Variants in MAP3K15 observed in about 807,000 individuals in gnomAD.
The protein encoded by MAP3K15 is mitogen-activated protein kinase kinase kinase 15.
MAP3K15 carries 124 observed loss-of-function variants against 99.5 expected under a neutral mutation model. The ratio of observed to expected loss-of-function variants is 1.25; its 90% confidence interval spans 1.08 to 1.45. MAP3K15 has a LOEUF of 1.45. Ranked by LOEUF, MAP3K15 falls within the 40% of genes most tolerant of loss-of-function variation. The pLI is 0.00. For missense variants in MAP3K15, 1,242 were observed against 1,079.7 expected (o/e 1.15, Z -2.11); for synonymous variants, 494 against 439.6 (o/e 1.12, Z -1.55).
At chrX:19,439,985 G>A (rs182780323) in intron 6 of MAP3K15, among the ~76,000 whole-genome samples, 13 of 111,503 alleles carry the variant, frequency 1.2e-4, no homozygotes, top group East Asian at 8.5e-4. Context: ...GGGGGCAGAG[G>A]GTGAGGCCCT....
intron 16 of MAP3K15, among the ~76,000 whole-genome samples, chrX:19,394,527 A>G (rs1004110897): frequency 9.0e-6 from 1 of 111,674 alleles, no homozygotes; most frequent in Non-Finnish European, 1.9e-5. Context: ...TTTTGTGGAT[A>G]AAACACTGAT....
chrX:19,395,155 C>T lies in MAP3K15; in HGVS notation c.2120G>A (p.Arg707His), dbSNP rs781456790. Residue 707 changes from arginine to histidine, a missense_variant, in exon 16 of 29, where the codon CGC becomes CAC. Coordinates refer to ENST00000338883, the MANE Select transcript of MAP3K15 (RefSeq NM_001001671.4). The part of the protein sequence containing the change: ...EIALHKYLKH[R>H]NIVQYLGSVS... ...AGAGCCCAGGTACTGAACGATATTG[C>T]GGTGCTTAAGGTACTTGTGCAGGGC... The T allele has an allele frequency of 3.9e-5, 47 of 1,205,396 alleles. No individual in the cohort carries two copies. Among genetic ancestry groups the T allele is most frequent in the South Asian group, 1.1e-4 (6 of 56,627 alleles).
chrX:19,417,477 C>A (rs748292081), intron 9 of MAP3K15, among the ~76,000 whole-genome samples: 1 of 111,910 alleles, frequency 8.9e-6, no homozygotes, highest in African/African-American at 3.2e-5. Flanking sequence ...AACTGCAAGG[C>A]GGCAGTGAGG....
At chrX:19,387,848 G>A (rs766821114) in intron 18 of MAP3K15, among the ~76,000 whole-genome samples, 3 of 112,682 alleles carry the variant, frequency 2.7e-5, no homozygotes, top group Non-Finnish European at 5.6e-5. Context: ...GATGTAAGGG[G>A]TAAATAACTG....
chrX:19,367,845 T>C (rs2147208033), intron 25 of MAP3K15, among the ~76,000 whole-genome samples: 1 of 95,593 alleles, frequency 1.0e-5, no homozygotes, highest in East Asian at 3.7e-4. Context: ...GCCTCCCGGG[T>C]TCAAGCAATT....
intron 9 of MAP3K15, among the ~76,000 whole-genome samples, chrX:19,416,473 G>T (rs766401428): frequency 8.9e-6 from 1 of 112,056 alleles, no homozygotes; most frequent in East Asian, 2.8e-4. Flanking sequence ...TGTATTTAGT[G>T]TGACACCATA....
In MAP3K15 at chrX:19,360,613, C is replaced by CT. The variant is rs775731731; in HGVS notation, c.*135_*136insA. ...AAGAAACTCAGGACAGTATTTAAAA[C>CT]AAGTTCTTAAACTATTAATTGAACA... is the stretch of plus-strand genomic sequence containing the variant. On this transcript the variant is annotated 3_prime_UTR_variant, in exon 29 of 29. Transcript: ENST00000338883. 4.5e-4 allele frequency: 219 copies of CT among 481,415 alleles called. 3 individuals are homozygous for CT. The South Asian group carries it at 6.7e-3, about 15-fold the overall frequency. 39.7% of individuals were successfully genotyped at this position (481,415 alleles called of 1,213,427 possible). A position where few individuals can be genotyped will look rare whatever the true frequency, so the allele number is the denominator to read the frequency against.
intron 9 of MAP3K15, among the ~76,000 whole-genome samples, chrX:19,416,273 G>C (rs1174850975): frequency 9.0e-6 from 1 of 110,977 alleles, no homozygotes; most frequent in Non-Finnish European, 1.9e-5. Flanking sequence ...GGAGGTTGCA[G>C]TGAGCTGAGA....
chrX:19,392,020 A>G lies in MAP3K15; in HGVS notation c.2413T>C (p.Cys805Arg). Residue 805 changes from cysteine to arginine, a missense_variant, in exon 18 of 29, where the codon TGC becomes CGC. Transcript: ENST00000338883. ...CACTTACCAGTAAAAGTCTCTGTGC[A>G]GGGGTTCACACCCGCAAGACGTTTC... is the stretch of plus-strand genomic sequence containing the variant. The part of the protein sequence containing the change: ...TSKRLAGVNP[C>R]TETFTGTLQY... The G allele has an allele frequency of 4.1e-6, 5 of 1,208,003 alleles. No homozygotes were observed. Among genetic ancestry groups the G allele is most frequent in the Non-Finnish European group, 5.6e-6 (5 of 891,920 alleles).
intron 1 of MAP3K15, among the ~76,000 whole-genome samples, 177 bp from the exon 2 acceptor site, chrX:19,489,144 G>A (rs1181316616): frequency 8.9e-6 from 1 of 111,776 alleles, no homozygotes; most frequent in Non-Finnish European, 1.9e-5. Context: ...AATGCAGTAA[G>A]AATTTTTTTT....
intron 26 of MAP3K15, among the ~76,000 whole-genome samples, chrX:19,362,148 C>T (rs2063294698): frequency 1.8e-5 from 2 of 110,438 alleles, no homozygotes; most frequent in African/African-American, 6.6e-5. Context: ...CAATCAGTCC[C>T]GTCACCTCCC....
At chrX:19,425,100 T>C (rs1169642496) in intron 9 of MAP3K15, among the ~76,000 whole-genome samples, 1 of 111,852 alleles carries the variant, frequency 8.9e-6, no homozygotes, top group African/African-American at 3.2e-5. Flanking sequence ...CACATTTAAA[T>C]GGCCGTGTAA....
intron 4 of MAP3K15, among the ~76,000 whole-genome samples, chrX:19,461,129 G>A (rs185096565): frequency 0.024 from 2,653 of 112,127 alleles, 79 homozygotes; most frequent in African/African-American, 0.083. Flanking sequence ...ATAGGCGCCC[G>A]CCACCATGCC....
At chrX:19,447,107 G>A (rs1026555517) in intron 6 of MAP3K15, among the ~76,000 whole-genome samples, 10 of 110,523 alleles carry the variant, frequency 9.0e-5, no homozygotes, top group Non-Finnish European at 1.7e-4. Flanking sequence ...TTGTAGAGAC[G>A]GGGTCTTGCT....
At chrX:19,366,197 G>T (rs2063333818) in intron 25 of MAP3K15, among the ~76,000 whole-genome samples, 1 of 110,121 alleles carries the variant, frequency 9.1e-6, no homozygotes, top group African/African-American at 3.3e-5. Context: ...CAAATTAGAA[G>T]TCCTCTCCCA....
rs750481533 is a variant in MAP3K15, at chrX:19,425,698, A to G, written c.1280-8T>C. 25 of 1,182,145 alleles carry G rather than the reference A, an allele frequency of 2.1e-5. No homozygotes were observed. The South Asian group carries it at 4.1e-4, about 19-fold the overall frequency. ...AACTGTTCAGCCGGACACCTTAAGA[A>G]TTTGAATTTTTGATAGTCAGAATAA... is the stretch of plus-strand genomic sequence containing the variant. On this transcript the variant is annotated splice_region_variant and splice_polypyrimidine_tract_variant and intron_variant, in intron 8 of 28. Coordinates refer to ENST00000338883, the MANE Select transcript of MAP3K15 (RefSeq NM_001001671.4).
chrX:19,431,911 T>TGG (rs1225871442), intron 6 of MAP3K15, among the ~76,000 whole-genome samples: 2 of 106,471 alleles, frequency 1.9e-5, no homozygotes, highest in Non-Finnish European at 3.9e-5. Context: ...GCCACTGTAC[T>TGG]CCAGTCTGGG....
In MAP3K15 at chrX:19,392,112, G is replaced by A. The variant is rs757723884; in HGVS notation, c.2326-5C>T. 14 of 1,189,747 alleles carry A rather than the reference G, an allele frequency of 1.2e-5. No individual in the cohort carries two copies. Among genetic ancestry groups the A allele is most frequent in the Middle Eastern group, 2.3e-4 (1 of 4,303 alleles). ...GTTCACCAGAACATTATCGCCCTTC[G>A]GAAAATAACATCATCAAGTGCTTAA... On this transcript the variant is annotated splice_region_variant and splice_polypyrimidine_tract_variant and intron_variant, in intron 17 of 28. Coordinates refer to ENST00000338883, the MANE Select transcript of MAP3K15 (RefSeq NM_001001671.4).
Position 19,373,063 on chromosome X carries a change from A to G in MAP3K15, c.2934-236T>C, listed in dbSNP as rs1457278071. On this transcript the variant is annotated intron_variant, in intron 21 of 28. Transcript: ENST00000338883. Reference sequence around the variant, plus strand: ...TAAAGGAGCCTCCCAGGAGACAGGGAGGAGGGAGGGAGGGAGGGAAGGGGG... The same window carrying G: ...TAAAGGAGCCTCCCAGGAGACAGGGGGGAGGGAGGGAGGGAGGGAAGGGGG... 5 of 57,297 alleles carry G rather than the reference A, an allele frequency of 8.7e-5. No homozygotes were observed. In the Admixed American group the frequency reaches 1.1e-3, roughly 12 times the overall value. 4.7% of individuals were successfully genotyped at this position (57,297 alleles called of 1,213,427 possible). A position where few individuals can be genotyped will look rare whatever the true frequency, so the allele number is the denominator to read the frequency against.
Sources: gnomAD v4.1 joint callset for allele counts (sites outside exome capture counted in the v4.1 genomes callset) on GRCh38, gnomAD v4.1.1 for gene constraint, MANE v1.5 for transcripts, NCBI Gene and HGNC (gene_info 2026-07-23, HGNC 2026-07-21) for gene names.